The following ASTN2 variants were observed in gnomAD, a reference collection of about 807,000 sequenced individuals.
The protein encoded by ASTN2 is astrotactin 2, also known as astrotactin-2.
In ASTN2, 54 loss-of-function variants were observed where a neutral mutation model predicts 139.8. The observed-to-expected ratio is 0.39, with a 90% CI of 0.31 to 0.48. ASTN2 has a LOEUF of 0.48. Ranked by LOEUF, ASTN2 falls within the 20% of genes least tolerant of loss-of-function variation. ASTN2 has a pLI of 0.95. For synonymous variants in ASTN2, 756 were observed against 719.5 expected, an observed-to-expected ratio of 1.05 and a Z score of -0.81; for missense variants, 1,565 against 1,725.1, an observed-to-expected ratio of 0.91 and a Z score of 1.64.
intron 19 of ASTN2, among the ~76,000 whole-genome samples, chr9:116,519,469 T>C (rs1850780954): frequency 6.6e-6 from 1 of 151,890 alleles, no homozygotes; most frequent in Non-Finnish European, 1.5e-5. Context: ...AATGATAATA[T>C]TGACACAACC....
chr9:116,966,528 C>T (rs1160976942), intron 10 of ASTN2, among the ~76,000 whole-genome samples: 2 of 152,070 alleles, frequency 1.3e-5, no homozygotes, highest in Non-Finnish European at 2.9e-5. Context: ...TCCTAATAGA[C>T]TTCACTTTTA....
chr9:116,467,641 G>A (rs1358586078), intron 20 of ASTN2, among the ~76,000 whole-genome samples: 1 of 152,186 alleles, frequency 6.6e-6, no homozygotes, highest in Non-Finnish European at 1.5e-5. Context: ...AGACTTCCCA[G>A]TTATATAAGC....
intron 10 of ASTN2, among the ~76,000 whole-genome samples, chr9:116,965,935 T>C (rs986854757): frequency 1.1e-4 from 17 of 152,184 alleles, no homozygotes; most frequent in African/African-American, 4.1e-4. Context: ...TAAAAATAGC[T>C]TCAACTTCAG....
intron 7 of ASTN2, among the ~76,000 whole-genome samples, chr9:117,000,667 G>A (rs1213628845): frequency 2.0e-5 from 3 of 151,718 alleles, no homozygotes; most frequent in African/African-American, 7.2e-5. Flanking sequence ...GTCTGTCCTG[G>A]GAAGGAGCAT....
chr9:116,470,065 A>C (rs1253835079), intron 20 of ASTN2, among the ~76,000 whole-genome samples: 1 of 152,048 alleles, frequency 6.6e-6, no homozygotes, highest in Admixed American at 6.6e-5. Flanking sequence ...TTAGCTGGGC[A>C]TGGTGGTGGG....
chr9:116,546,240 C>T (rs956493520), intron 19 of ASTN2: 2 of 152,096 alleles, frequency 1.3e-5, no homozygotes, highest in African/African-American at 4.8e-5. Flanking sequence ...TCCAATATAC[C>T]AGTTTGGTAT....
intron 16 of ASTN2, among the ~76,000 whole-genome samples, chr9:116,704,455 G>T (rs1423477254): frequency 6.6e-6 from 1 of 152,164 alleles, no homozygotes; most frequent in African/African-American, 2.4e-5. Flanking sequence ...GTTTTCCTTG[G>T]TAAAAGAAAA....
chr9:116,472,030 A>G (rs1392035181), intron 20 of ASTN2, among the ~76,000 whole-genome samples: 1 of 151,982 alleles, frequency 6.6e-6, no homozygotes, highest in African/African-American at 2.4e-5. Flanking sequence ...GCATGGTTCT[A>G]ATTCCAGATT....
intron 1 of ASTN2, among the ~76,000 whole-genome samples, chr9:117,298,670 G>GCATA (rs1554717042): frequency 1.5e-5 from 2 of 136,466 alleles, no homozygotes; most frequent in Non-Finnish European, 3.1e-5. Flanking sequence ...ATATATATGT[G>GCATA]TATATATATA....
chr9:116,641,022 G>A (rs548325411), intron 17 of ASTN2, among the ~76,000 whole-genome samples: 319 of 152,230 alleles, frequency 2.1e-3, no homozygotes, highest in African/African-American at 6.5e-3. Flanking sequence ...CTTGGTTTCA[G>A]GATTTTAAAA....
intron 3 of ASTN2, among the ~76,000 whole-genome samples, chr9:117,193,192 A>C (rs1409862006): frequency 1.3e-5 from 2 of 152,210 alleles, no homozygotes; most frequent in Non-Finnish European, 2.9e-5. Flanking sequence ...GAGATGGCTA[A>C]TGAAGGAACA....
chr9:116,716,206 A>G (rs564338654), intron 16 of ASTN2, among the ~76,000 whole-genome samples: 1 of 152,328 alleles, frequency 6.6e-6, no homozygotes, highest in East Asian at 1.9e-4. Context: ...TAACTAGTTT[A>G]CAACAGTATC....
At chr9:117,377,584 T>G (rs1830156540) in intron 1 of ASTN2, among the ~76,000 whole-genome samples, 1 of 152,010 alleles carries the variant, frequency 6.6e-6, no homozygotes, top group Non-Finnish European at 1.5e-5. Flanking sequence ...AAAGTCCATA[T>G]TTTTGACCTC....
chr9:116,699,452 G>T lies in ASTN2; in HGVS notation c.2806+26319C>A, dbSNP rs555217187. 3.7e-6 allele frequency: 6 copies of T among 1,614,064 alleles called. No homozygotes were observed. Among genetic ancestry groups the T allele is most frequent in the South Asian group, 2.2e-5 (2 of 91,076 alleles). On this transcript the variant is annotated intron_variant, in intron 16 of 22. Coordinates refer to ENST00000313400, the MANE Select transcript of ASTN2 (RefSeq NM_001365068.1). The surrounding 1 kb of genome is among the most constrained non-coding windows in gnomAD (Gnocchi z 4.2). Reference sequence around the variant, plus strand: ...GTCGCCAGATTAGCCACTTCTTCTCGGAGAATGAGGATTTCCGCTGCATTG... The same window carrying T: ...GTCGCCAGATTAGCCACTTCTTCTCTGAGAATGAGGATTTCCGCTGCATTG...
chr9:117,022,449 A>AC (rs1837910352), intron 6 of ASTN2, among the ~76,000 whole-genome samples: 3 of 90,766 alleles, frequency 3.3e-5, no homozygotes, highest in Admixed American at 3.1e-4. Context: ...GGGCAAAAAA[A>AC]AAAAACAAAA....
intron 22 of ASTN2, among the ~76,000 whole-genome samples, chr9:116,435,818 T>C (rs936111336): frequency 3.9e-5 from 6 of 152,230 alleles, no homozygotes; most frequent in African/African-American, 1.2e-4. Flanking sequence ...AACATCACTA[T>C]GAGAGCTTGT....
At chr9:117,142,955 T>C (rs1454103860) in intron 3 of ASTN2, among the ~76,000 whole-genome samples, 1 of 152,152 alleles carries the variant, frequency 6.6e-6, no homozygotes, top group Non-Finnish European at 1.5e-5. Context: ...AATTTCTGTT[T>C]CTTTGAAGGG....
At chr9:116,515,871 C>A (rs890605767) in intron 19 of ASTN2, among the ~76,000 whole-genome samples, 2 of 152,108 alleles carry the variant, frequency 1.3e-5, no homozygotes, top group African/African-American at 4.8e-5. Context: ...ACCCCTTAAA[C>A]TTTATCATGC....
At chr9:116,973,258 T>C (rs745563810) in intron 10 of ASTN2, among the ~76,000 whole-genome samples, 4 of 152,232 alleles carry the variant, frequency 2.6e-5, no homozygotes, top group African/African-American at 4.8e-5. Flanking sequence ...TGTAATAATA[T>C]TAGTGAAGTA....
Sources: gnomAD v4.1 joint callset for allele counts (sites outside exome capture counted in the v4.1 genomes callset) on GRCh38, gnomAD v4.1.1 for gene constraint, Gnocchi (gnomAD v3.1) non-coding constraint, MANE v1.5 for transcripts, NCBI Gene and HGNC (gene_info 2026-07-23, HGNC 2026-07-21) for gene names.